PMM2: variants seen among roughly 807,000 people sequenced by gnomAD.
PMM2 encodes mannose-6-phosphate isomerase.
Under a neutral mutation model 33.2 loss-of-function variants are expected in PMM2, and 35 were observed. That is an observed-to-expected ratio of 1.06 (90% CI 0.81 to 1.40). The LOEUF (loss-of-function observed/expected upper bound fraction) is 1.40. Ranked by LOEUF, PMM2 falls within the 40% of genes most tolerant of loss-of-function variation. The pLI is 0.00. For missense variants in PMM2, 386 were observed against 306.0 expected, an observed-to-expected ratio of 1.26 and a Z score of -1.95; for synonymous variants, 153 against 114.7, an observed-to-expected ratio of 1.33 and a Z score of -2.13.
intron 4 of PMM2, chr16:8,810,630 G>A (rs2060672035): frequency 5.6e-6 from 1 of 178,170 alleles, no homozygotes; most frequent in Non-Finnish European, 1.2e-5. Context: ...AGACTGGAGT[G>A]CAGTGGTGTG....
chr16:8,833,628 A>T (rs1461032170), intron 7 of PMM2, among the ~76,000 whole-genome samples: 1 of 151,428 alleles, frequency 6.6e-6, no homozygotes, highest in Admixed American at 6.6e-5. Context: ...GGGAGAGATT[A>T]AGCTGAAGGG....
In PMM2 at chr16:8,847,731, A is replaced by T. The variant is rs78290141; in HGVS notation, c.647A>T (p.Asn216Ile). The T allele has an allele frequency of 1.2e-6, 2 of 1,612,698 alleles. No individual in the cohort carries two copies. Among genetic ancestry groups the T allele is most frequent in the Middle Eastern group, 1.7e-4 (1 of 6,058 alleles). ...TACTTCGTGTCTTTCCAGGGTGGCAATGACCATGAGATCTTCACAGACCCC... is the reference window on the plus strand; with the variant it reads ...TACTTCGTGTCTTTCCAGGGTGGCATTGACCATGAGATCTTCACAGACCCC... ...FFGDKTMPGG[N>I]DHEIFTDPRT... Residue 216 changes from asparagine (N) to isoleucine (I), a missense_variant, in exon 8 of 8, where the codon AAT (asparagine) becomes ATT (isoleucine). Coordinates refer to ENST00000268261, the MANE Select transcript of PMM2 (RefSeq NM_000303.3).
At chr16:8,798,174 T>G (rs1282756259) in intron 1 of PMM2, among the ~76,000 whole-genome samples, 3 of 152,210 alleles carry the variant, frequency 2.0e-5, no homozygotes, top group African/African-American at 4.8e-5. Flanking sequence ...GAAGAACTCT[T>G]AAGAGCAGGA....
At chr16:8,823,359 G>C (rs2060748884) in intron 7 of PMM2, among the ~76,000 whole-genome samples, 1 of 152,154 alleles carries the variant, frequency 6.6e-6, no homozygotes, top group Non-Finnish European at 1.5e-5. Context: ...GAGAATTCAG[G>C]ATTTAGTCCA....
intron 7 of PMM2, among the ~76,000 whole-genome samples, chr16:8,841,763 AGTCATGGGG>A (rs2060892325): frequency 8.6e-6 from 1 of 115,868 alleles, no homozygotes; most frequent in Non-Finnish European, 2.0e-5. Flanking sequence ...AGAGAAACAC[AGTCATGGGG>A]GTCAGGTGTG....
At chr16:8,815,944 C>T (rs1439679343) in intron 7 of PMM2, among the ~76,000 whole-genome samples, 2 of 151,326 alleles carry the variant, frequency 1.3e-5, no homozygotes, top group Non-Finnish European at 1.5e-5. Context: ...TAAGAAACTC[C>T]AACAACTCAA....
chr16:8,829,954 G>T (rs1024477239), intron 7 of PMM2, among the ~76,000 whole-genome samples: 1 of 152,200 alleles, frequency 6.6e-6, no homozygotes, highest in Non-Finnish European at 1.5e-5. Flanking sequence ...CCATGCTGGG[G>T]CTACAAACAG....
At chr16:8,830,795 A>T (rs2060805127) in intron 7 of PMM2, among the ~76,000 whole-genome samples, 1 of 152,238 alleles carries the variant, frequency 6.6e-6, no homozygotes, top group African/African-American at 2.4e-5. Context: ...ACTGGTCCCC[A>T]GGCAAGAAGG....
At chr16:8,843,664 A>T (rs190850952) in intron 7 of PMM2, among the ~76,000 whole-genome samples, 305 of 152,280 alleles carry the variant, frequency 2.0e-3, no homozygotes, top group African/African-American at 7.0e-3. Flanking sequence ...AAGGAATTGC[A>T]ACTTTTTTCT....
intron 7 of PMM2, among the ~76,000 whole-genome samples, chr16:8,845,812 T>TTA (rs1491049229): frequency 1.0e-4 from 15 of 143,836 alleles, no homozygotes; most frequent in Admixed American, 2.1e-4. Flanking sequence ...TTTTTTTTTT[T>TTA]AATTAGAAGA....
intron 2 of PMM2, among the ~76,000 whole-genome samples, chr16:8,803,366 C>G (rs1386728008): frequency 6.6e-6 from 1 of 152,182 alleles, no homozygotes; most frequent in African/African-American, 2.4e-5. Context: ...CATGATCGCC[C>G]TTTCTGCATC....
intron 4 of PMM2, chr16:8,809,683 C>G (rs1172016890): frequency 2.0e-5 from 3 of 152,074 alleles, no homozygotes; most frequent in Non-Finnish European, 4.4e-5. Flanking sequence ...GACTCCTGAC[C>G]TCAAGGAATC....
In PMM2 at chr16:8,832,867, C is replaced by G. The variant is rs1048334248; in HGVS notation, c.640-14857C>G. 3.0e-6 allele frequency: 3 copies of G among 985,342 alleles called. No individual in the cohort carries two copies. In the East Asian group the frequency reaches 3.4e-4, roughly 112 times the overall value. The allele number at this position is 985,342 out of a possible 1,614,324, so 61.0% of individuals were successfully genotyped here. On this transcript the variant is annotated intron_variant, in intron 7 of 7. Transcript: ENST00000268261. ...GGCCACATGGCCTGTGCCCTCACGT[C>G]CCTCAGATGCCAGGGTTCCCTCACC...
rs2060945758 is a variant in PMM2 at position 8,848,718 on chromosome 16, TTCGCC to T, written c.*896_*900del. 1.3e-5 allele frequency: 2 copies of T among 152,262 alleles called. No homozygotes were observed. The highest frequency in any genetic ancestry group is 2.9e-5 in the Non-Finnish European group (2 of 68,102). 9.4% of individuals were successfully genotyped at this position (152,262 alleles called of 1,614,324 possible). On this transcript the variant is annotated 3_prime_UTR_variant, in exon 8 of 8. Transcript: ENST00000268261. The stretch of plus-strand genomic sequence containing the variant: ...GCCCCTGGCTGGCTTCCTGGAGGCG[TTCGCC>T]TCTAGTTTCTCAGGGATGGAGCGAG...
At chr16:8,803,765 C>T (rs1283481599) in intron 2 of PMM2, among the ~76,000 whole-genome samples, 1 of 151,862 alleles carries the variant, frequency 6.6e-6, no homozygotes, top group Non-Finnish European at 1.5e-5. Flanking sequence ...CTCACTGTAA[C>T]CTCTGCGTCC....
chr16:8,831,559 CGAGCTA>C (rs1567165930), intron 7 of PMM2, among the ~76,000 whole-genome samples: 2 of 152,116 alleles, frequency 1.3e-5, no homozygotes, highest in Non-Finnish European at 1.5e-5. Context: ...GTCCCGACCA[CGAGCTA>C]CAGAGAGTCC....
intron 6 of PMM2, 48 bp downstream of exon 6, chr16:8,811,761 G>C (rs1236710895): frequency 7.7e-7 from 1 of 1,305,482 alleles, no homozygotes; most frequent in Middle Eastern, 1.8e-4. Context: ...CCATTTCCCA[G>C]AGTTTGTTGT....
intron 7 of PMM2, among the ~76,000 whole-genome samples, chr16:8,827,770 TTATA>T (rs59491446): frequency 1.2e-4 from 9 of 77,214 alleles, no homozygotes; most frequent in African/African-American, 4.1e-4. Flanking sequence ...ATGCACACAT[TTATA>T]TATATATATT....
At position 8,848,116 on chromosome 16, in the gene PMM2, T is replaced by A. The variant is rs868805577; in HGVS notation, c.*291T>A. On this transcript the variant is annotated 3_prime_UTR_variant, in exon 8 of 8. Coordinates refer to ENST00000268261, the MANE Select transcript of PMM2 (RefSeq NM_000303.3). ...CACCCTGATACGTGCAATCATGTAG[T>A]TTTGGCGGAAATTTCCCCATCATTC... 1 of 400,884 alleles carries A rather than the reference T, an allele frequency of 2.5e-6. No individual in the cohort carries two copies. The highest frequency in any genetic ancestry group is 4.7e-6 in the Non-Finnish European group (1 of 214,680). 24.8% of individuals were successfully genotyped at this position (400,884 alleles called of 1,614,324 possible).
Sources: allele counts gnomAD v4.1 joint callset (sites outside exome capture counted in the v4.1 genomes callset), GRCh38; gene constraint gnomAD v4.1.1; transcripts MANE v1.5; gene names NCBI Gene and HGNC (gene_info 2026-07-23, HGNC 2026-07-21).